RAD1: variants seen among roughly 807,000 people sequenced by gnomAD.
The protein encoded by RAD1 is RAD1 checkpoint DNA exonuclease, also known as cell cycle checkpoint protein RAD1.
A neutral mutation model predicts 30.0 loss-of-function variants in RAD1; 21 were observed. That is an observed-to-expected ratio of 0.70 (90% CI 0.50 to 1.01). The LOEUF is 1.01. Among genes scored for constraint, RAD1 ranks in the 50% least tolerant of loss-of-function variants. The probability of loss-of-function intolerance (pLI) is 0.00; values close to 1 mark genes in which losing one functional copy is unlikely to be tolerated. For missense variants in RAD1, 329 were observed against 329.0 expected (o/e 1.00, Z 0.00); for synonymous variants, 109 against 113.6 (o/e 0.96, Z 0.26).
chr5:34,912,206 T>C (rs541093099), intron 3 of RAD1, among the ~76,000 whole-genome samples: 3 of 152,372 alleles, frequency 2.0e-5, no homozygotes, highest in East Asian at 3.9e-4. Flanking sequence ...AACAGTGGAT[T>C]GCTGTCATCT....
At chr5:34,915,232 C>A (rs1376930893) in intron 1 of RAD1, 184 bp downstream of exon 1, 3 of 328,540 alleles carry the variant, frequency 9.1e-6, no homozygotes, top group Non-Finnish European at 1.7e-5. Flanking sequence ...AGCTACAAAT[C>A]CGCGGGGAGT....
chr5:34,911,852 G>A (rs199993475), intron 3 of RAD1, 40 bp from the exon 4 acceptor site: 88 of 1,587,378 alleles, frequency 5.5e-5, no homozygotes, highest in Admixed American at 1.5e-4. Flanking sequence ...TAGCTTTATA[G>A]TTCTGGGTTC....
chr5:34,912,145 C>T (rs1315057162), intron 3 of RAD1, among the ~76,000 whole-genome samples: 2 of 152,334 alleles, frequency 1.3e-5, no homozygotes, highest in East Asian at 1.9e-4. Context: ...CAGCAAGTAA[C>T]TAAATTGCTG....
chr5:34,908,995 T>G lies in RAD1; in HGVS notation c.666-47A>C, dbSNP rs1220882735. 4 of 1,448,880 alleles carry G rather than the reference T, an allele frequency of 2.8e-6. No homozygotes were observed. In the Admixed American group the frequency reaches 6.5e-5, roughly 23 times the overall value. 89.8% of individuals were successfully genotyped at this position (1,448,880 alleles called of 1,614,324 possible). On this transcript the variant is annotated intron_variant, in intron 5 of 5. Coordinates refer to ENST00000382038, the MANE Select transcript of RAD1 (RefSeq NM_002853.4). ...GCTGTTATATCAACACAGTGAACAC[T>G]GCTCAGAACTCCCAAGTAAAGGATA...
intron 5 of RAD1, 78 bp downstream of exon 5, chr5:34,909,178 GAA>G (rs1445258368): frequency 8.8e-7 from 1 of 1,135,056 alleles, no homozygotes; most frequent in African/African-American, 1.6e-5. Flanking sequence ...TTAACAGATT[GAA>G]AGTGTTTTTA....
In RAD1 at chr5:34,914,938, ACTT is replaced by A; in HGVS notation, c.-49_-47del. ...CCGAGGGATGCTCCTGGGGCCAACAACTTCTCGGCGGATCGCCAAACACCTGAA... is the reference window on the plus strand; with the variant it reads ...CCGAGGGATGCTCCTGGGGCCAACAACTCGGCGGATCGCCAAACACCTGAA... On this transcript the variant is annotated 5_prime_UTR_variant, in exon 2 of 6. Coordinates refer to ENST00000382038, the MANE Select transcript of RAD1 (RefSeq NM_002853.4). 6.2e-7 allele frequency: 1 copy of A among 1,602,896 alleles called. No individual in the cohort carries two copies. The highest frequency in any genetic ancestry group is 1.1e-5 in the South Asian group (1 of 90,778).
chr5:34,907,854 T>C lies in RAD1; in HGVS notation c.*911A>G, dbSNP rs1217545040. 6.6e-6 allele frequency: 1 copy of C among 152,178 alleles called. No homozygotes were observed. Among genetic ancestry groups the C allele is most frequent in the East Asian group, 1.9e-4 (1 of 5,202 alleles). The allele number at this position is 152,178 out of a possible 1,614,324, so 9.4% of individuals were successfully genotyped here. ...GCAAGGAAATCACATGTAAAAGCAA[T>C]CATCTCATACAATTAAATGCTATTA... On this transcript the variant is annotated 3_prime_UTR_variant, in exon 6 of 6. Transcript: ENST00000382038.
intron 3 of RAD1, 61 bp from the exon 4 acceptor site, chr5:34,911,873 C>T (rs1407159029): frequency 1.0e-5 from 16 of 1,535,276 alleles, no homozygotes; most frequent in Admixed American, 4.1e-5. Context: ...AGCTTCTCCT[C>T]GAAATGATAC....
rs1237130857 is a variant in RAD1, at chr5:34,914,869, G to C, written c.24C>G (p.Ile8Met). The C allele has an allele frequency of 1.2e-6, 2 of 1,613,966 alleles. No homozygotes were observed. The highest frequency in any genetic ancestry group is 1.7e-6 in the Non-Finnish European group (2 of 1,180,038). Residue 8 changes from isoleucine (I) to methionine (M), a missense_variant, in exon 2 of 6, where the codon ATC becomes ATG. By Grantham distance (10) the Ile-to-Met change is conservative. Transcript: ENST00000382038. ...GGCTGTACTGATCATCCTCGTCTTG[G>C]ATCTGTTGGGTCAGAAGGGGCATCG... is the stretch of plus-strand genomic sequence containing the variant. The part of the protein sequence containing the change: MPLLTQQ[I>M]QDEDDQYSLV...
At chr5:34,912,511 GTGGAATTGTCTGTGGAAACGTAAAATACA>G (rs567283410) in intron 3 of RAD1, among the ~76,000 whole-genome samples, 188 of 152,226 alleles carry the variant, frequency 1.2e-3, no homozygotes, top group African/African-American at 4.4e-3. Context: ...ATTAATAATA[GTGGAATTGTCTGTGGAAACGTAAAATACA>G]TTTTTCTGGA....
At chr5:34,914,665 G>A (rs1763980945) in intron 2 of RAD1, 30 bp downstream of exon 2, 15 of 1,605,516 alleles carry the variant, frequency 9.3e-6, no homozygotes, top group African/African-American at 1.3e-5. Flanking sequence ...AGTATCTATG[G>A]CACAGGCTTA....
rs1212503615 is a variant in RAD1, at chr5:34,908,520, A to C, written c.*245T>G. ...GACTCACAATTATTCCCATGAGTTC[A>C]AAAGACAGAACTAAAGGACAGTCCT... On this transcript the variant is annotated 3_prime_UTR_variant, in exon 6 of 6. Transcript: ENST00000382038. The C allele has an allele frequency of 6.1e-6, 2 of 327,032 alleles. No individual in the cohort carries two copies. Among genetic ancestry groups the C allele is most frequent in the African/African-American group, 4.2e-5 (2 of 47,122 alleles). 20.3% of individuals were successfully genotyped at this position (327,032 alleles called of 1,614,324 possible). A position where few individuals can be genotyped will look rare whatever the true frequency, so the allele number is the denominator to read the frequency against.
In RAD1 at chr5:34,911,673, G is replaced by C. The variant is rs1312348426; in HGVS notation, c.447C>G (p.Ser149Arg). ...GAATAATTTTATTAATAACATTGGT[G>C]CTGCAGAAATCAAAGTCCAGGGTCT... ...PEETLDFDFC[S>R]TNVINKIILQ... Residue 149 changes from serine to arginine, a missense_variant, in exon 4 of 6, where the codon AGC (serine) becomes AGG (arginine). Physicochemically the swap from Ser to Arg is moderately radical, Grantham distance 110. Transcript: ENST00000382038. The C allele has an allele frequency of 6.2e-7, 1 of 1,614,104 alleles. No individual in the cohort carries two copies. The highest frequency in any genetic ancestry group is 1.7e-5 in the Admixed American group (1 of 60,018).
At chr5:34,911,999 C>A (rs1270714343) in intron 3 of RAD1, among the ~76,000 whole-genome samples, 187 bp from the exon 4 acceptor site, 4 of 152,146 alleles carry the variant, frequency 2.6e-5, no homozygotes, top group Non-Finnish European at 5.9e-5. Context: ...TCCAAAACTA[C>A]AAGAAAATTG....
At position 34,914,978 on chromosome 5, in the gene RAD1, G is replaced by T; in HGVS notation, c.-69-17C>A. 1 of 1,446,094 alleles carries T rather than the reference G, an allele frequency of 6.9e-7. No homozygotes were observed. Among genetic ancestry groups the T allele is most frequent in the Non-Finnish European group, 9.5e-7 (1 of 1,049,338 alleles). The allele number at this position is 1,446,094 out of a possible 1,614,324, so 89.6% of individuals were successfully genotyped here. On this transcript the variant is annotated splice_polypyrimidine_tract_variant and intron_variant, in intron 1 of 5. Transcript: ENST00000382038. ...GCCAAACACCTGAAGGGATTAGACAGTAAAACTCCCATCAGTGCTGGCGAG... is the reference window on the plus strand; with the variant it reads ...GCCAAACACCTGAAGGGATTAGACATTAAAACTCCCATCAGTGCTGGCGAG...
chr5:34,915,143 C>T (rs1197563867), intron 1 of RAD1, among the ~76,000 whole-genome samples, 182 bp from the exon 2 acceptor site: 4 of 152,204 alleles, frequency 2.6e-5, no homozygotes, highest in Non-Finnish European at 5.9e-5. Flanking sequence ...GTTTCCTCGT[C>T]TCCGTAAGAG....
In RAD1 at chr5:34,905,719, T is replaced by C. The variant is rs890913879; in HGVS notation, c.*3046A>G. The C allele has an allele frequency of 2.6e-5, 4 of 152,156 alleles. No individual in the cohort carries two copies. Among genetic ancestry groups the C allele is most frequent in the African/African-American group, 9.7e-5 (4 of 41,430 alleles). 9.4% of individuals were successfully genotyped at this position (152,156 alleles called of 1,614,324 possible). A position where few individuals can be genotyped will look rare whatever the true frequency, so the allele number is the denominator to read the frequency against. The stretch of plus-strand genomic sequence containing the variant: ...CTTCTATATACTACACATCAATTTG[T>C]AGTGGCACCAAAGTGTCGCCTGCTC... On this transcript the variant is annotated 3_prime_UTR_variant, in exon 6 of 6. Coordinates refer to ENST00000382038, the MANE Select transcript of RAD1 (RefSeq NM_002853.4).
rs539395654 is a variant in RAD1 at position 34,905,610 on chromosome 5, A to C, written c.*3155T>G. On this transcript the variant is annotated 3_prime_UTR_variant, in exon 6 of 6. Transcript: ENST00000382038. ...TGAAAAATGAAAAAAAAGATTATCC[A>C]TTCACAGTAAGCACCATTTTACTAG... 1 of 152,320 alleles carries C rather than the reference A, an allele frequency of 6.6e-6. No individual in the cohort carries two copies. The highest frequency in any genetic ancestry group is 2.1e-4 in the South Asian group (1 of 4,824). The allele number at this position is 152,320 out of a possible 1,614,324, so 9.4% of individuals were successfully genotyped here.
chr5:34,914,850 A>C lies in RAD1; in HGVS notation c.43T>G (p.Tyr15Asp). The C allele has an allele frequency of 6.2e-7, 1 of 1,614,180 alleles. No individual in the cohort carries two copies. The highest frequency in any genetic ancestry group is 2.2e-5 in the East Asian group (1 of 44,854). Reference protein sequence around the residue: ...TQQIQDEDDQYSLVASLDNVR... With the variant: ...TQQIQDEDDQDSLVASLDNVR... Reference sequence around the variant, plus strand: ...TTGTCAAGGCTGGCCACAAGGCTGTACTGATCATCCTCGTCTTGGATCTGT... The same window carrying C: ...TTGTCAAGGCTGGCCACAAGGCTGTCCTGATCATCCTCGTCTTGGATCTGT... The change falls in exon 2 of 6, where the codon TAC (tyrosine) becomes GAC (aspartate). Residue 15 changes from tyrosine (Y) to aspartate (D), a missense_variant. Transcript: ENST00000382038.
Sources: allele counts gnomAD v4.1 joint callset (sites outside exome capture counted in the v4.1 genomes callset), GRCh38; gene constraint gnomAD v4.1.1; transcripts MANE v1.5; gene names NCBI Gene and HGNC (gene_info 2026-07-23, HGNC 2026-07-21).